Variants in ATP2C1 observed in about 807,000 individuals in gnomAD.
ATP2C1 encodes calcium-transporting ATPase type 2C member 1.
A neutral mutation model predicts 120.5 loss-of-function variants in ATP2C1; 31 were observed. That is an observed-to-expected ratio of 0.26 (90% confidence interval 0.19 to 0.35). ATP2C1 has a LOEUF of 0.35. ATP2C1 is among the 10% of genes least tolerant of loss of function. The pLI, the probability that ATP2C1 is intolerant of heterozygous loss-of-function variation, is 1.00. For synonymous variants in ATP2C1, 351 were observed against 358.7 expected, an observed-to-expected ratio of 0.98 and a Z score of 0.24; for missense variants, 731 against 1,107.5, an observed-to-expected ratio of 0.66 and a Z score of 4.83.
At chr3:131,014,381 G>C (rs1249537624) in intron 26 of ATP2C1, 1 of 1,583,878 alleles carries the variant, frequency 6.3e-7, no homozygotes, top group Non-Finnish European at 8.6e-7. Context: ...GGCTTCCACT[G>C]TACAGTCTGT....
At chr3:130,877,930 C>G (rs1332922275) in intron 1 of ATP2C1, among the ~76,000 whole-genome samples, 1 of 152,134 alleles carries the variant, frequency 6.6e-6, no homozygotes. Context: ...AAATGTGGCA[C>G]ATATACACCA....
At chr3:130,908,086 G>C (rs975540802) in intron 2 of ATP2C1, among the ~76,000 whole-genome samples, 1 of 152,048 alleles carries the variant, frequency 6.6e-6, no homozygotes, top group African/African-American at 2.4e-5. Context: ...GTGATGACTA[G>C]TCTTGGCTAG....
intron 26 of ATP2C1, among the ~76,000 whole-genome samples, chr3:131,009,184 G>A (rs2063222293): frequency 2.6e-5 from 4 of 152,126 alleles, no homozygotes; most frequent in Non-Finnish European, 5.9e-5. Flanking sequence ...GCTTAGAGAA[G>A]ACAACATTTA....
At chr3:130,999,010 A>C (rs759234383) in intron 26 of ATP2C1, among the ~76,000 whole-genome samples, 8 of 152,202 alleles carry the variant, frequency 5.3e-5, no homozygotes, top group Non-Finnish European at 8.8e-5. Context: ...ATGAATCCTT[A>C]ACTATATTAC....
chr3:131,003,310 T>G (rs2062980038), downstream of ATP2C1: 4 of 345,472 alleles, frequency 1.2e-5, no homozygotes, highest in Non-Finnish European at 1.6e-5. Flanking sequence ...ATTGCAATTT[T>G]CCATAATATA....
At chr3:130,891,958 T>C (rs1414055266), upstream of ATP2C1, among the ~76,000 whole-genome samples, 1 of 152,294 alleles carries the variant, frequency 6.6e-6, no homozygotes, top group East Asian at 1.9e-4. Flanking sequence ...TGGTCAATTC[T>C]TCTTGGTAAA....
chr3:130,887,167 C>T (rs1365777502), intron 1 of ATP2C1, among the ~76,000 whole-genome samples: 1 of 152,154 alleles, frequency 6.6e-6, no homozygotes, highest in African/African-American at 2.4e-5. Flanking sequence ...TTTACCCTTA[C>T]TTTTTCCCAA....
intron 2 of ATP2C1, among the ~76,000 whole-genome samples, chr3:130,916,830 T>C (rs1314459899): frequency 6.6e-6 from 1 of 152,226 alleles, no homozygotes; most frequent in Non-Finnish European, 1.5e-5. Flanking sequence ...ACCATACAAA[T>C]GGTGTTTTCT....
chr3:130,917,321 A>G lies in ATP2C1; in HGVS notation c.7-13095A>G, dbSNP rs565897481. Among the ~76,000 whole-genome samples, 11 of 152,358 alleles carry G rather than the reference A, an allele frequency of 7.2e-5. No homozygotes were observed. The East Asian group carries it at 1.3e-3, about 19-fold the overall frequency. On this transcript the variant is annotated intron_variant, in intron 2 of 27. Coordinates refer to ENST00000510168, the MANE Select transcript of ATP2C1 (RefSeq NM_001378687.1). The stretch of plus-strand genomic sequence containing the variant: ...TATTATCCCATTGCAGTTGAGGAGA[A>G]TAGTGGATTCTATGAAGATAAACTT...
intron 11 of ATP2C1, among the ~76,000 whole-genome samples, chr3:130,958,312 A>C (rs2060669237): frequency 1.3e-5 from 2 of 152,138 alleles, no homozygotes; most frequent in Non-Finnish European, 2.9e-5. Flanking sequence ...CTTTGCCATT[A>C]GCATGAAAGC....
chr3:130,921,177 GT>G (rs1430810282), intron 2 of ATP2C1, among the ~76,000 whole-genome samples: 3 of 151,184 alleles, frequency 2.0e-5, no homozygotes, highest in African/African-American at 7.3e-5. Context: ...CGCCTCCCAG[GT>G]TCAAGTGATT....
chr3:130,893,844 A>T, upstream of ATP2C1: 1 of 835,474 alleles, frequency 1.2e-6, no homozygotes, highest in Non-Finnish European at 1.4e-6. Context: ...GCGGGCCACC[A>T]ACCCCGAGCG....
intron 1 of ATP2C1, among the ~76,000 whole-genome samples, chr3:130,861,878 A>G (rs924641536): frequency 6.6e-6 from 1 of 152,174 alleles, no homozygotes; most frequent in Admixed American, 6.5e-5. Flanking sequence ...AAATTAATGA[A>G]TACACCCTAA....
chr3:130,970,918 A>G lies in ATP2C1; in HGVS notation c.1413+1522A>G, dbSNP rs58979742. On this transcript the variant is annotated intron_variant, in intron 17 of 27. Coordinates refer to ENST00000510168, the MANE Select transcript of ATP2C1 (RefSeq NM_001378687.1). ...TTTGAATTGAAGTCTTCCAGGAACT[A>G]TGTTCATGAGGGCCAAAAAAAAGAT... 0.017 allele frequency among the ~76,000 whole-genome samples: 2,554 copies of G among 152,236 alleles called. 141 individuals are homozygous for G. The East Asian group carries it at 0.21, about 13-fold the overall frequency.
At chr3:130,868,154 C>T (rs1433252157) in intron 1 of ATP2C1, 8 of 149,636 alleles carry the variant, frequency 5.3e-5, no homozygotes, top group Non-Finnish European at 1.0e-4. Flanking sequence ...CCAGCCGCCC[C>T]GGCCGGGAGG....
chr3:130,973,010 A>G (rs2061397644), intron 17 of ATP2C1, among the ~76,000 whole-genome samples: 1 of 152,206 alleles, frequency 6.6e-6, no homozygotes, highest in Non-Finnish European at 1.5e-5. Flanking sequence ...TTTATTAAAT[A>G]AAGTCAAGAA....
intron 2 of ATP2C1, among the ~76,000 whole-genome samples, chr3:130,916,626 T>C (rs1046525090): frequency 6.6e-6 from 1 of 152,140 alleles, no homozygotes; most frequent in Non-Finnish European, 1.5e-5. Flanking sequence ...AAACAGCTGG[T>C]ACCATTGCAG....
chr3:130,958,617 C>T (rs2060684064), intron 11 of ATP2C1, among the ~76,000 whole-genome samples: 1 of 152,022 alleles, frequency 6.6e-6, no homozygotes, highest in South Asian at 2.1e-4. Flanking sequence ...TTGCTTTTTC[C>T]TCACAAACCT....
Position 130,997,670 on chromosome 3 carries a change from A to C in ATP2C1, c.2308A>C (p.Ile770Leu). 1 of 1,613,810 alleles carries C rather than the reference A, an allele frequency of 6.2e-7. No homozygotes were observed. The highest frequency in any genetic ancestry group is 8.5e-7 in the Non-Finnish European group (1 of 1,179,752). Residue 770 changes from isoleucine (I) to leucine (L), a missense_variant, in exon 25 of 28, where the codon ATT (isoleucine) becomes CTT (leucine). This residue lies in a region of ATP2C1 where 141 missense variants were observed against 201.6 expected (regional missense o/e 0.70). Coordinates refer to ENST00000510168, the MANE Select transcript of ATP2C1 (RefSeq NM_001378687.1). ...RKPPRNWKDS[I>L]LTKNLILKIL... ...ACCTCCTCGCAACTGGAAAGACAGC[A>C]TTTTGACTAAAAACTTGATACTTAA...
Sources: allele counts gnomAD v4.1 joint callset (sites outside exome capture counted in the v4.1 genomes callset), GRCh38; gene constraint gnomAD v4.1.1; regional missense constraint gnomAD v4.1.1; transcripts MANE v1.5; gene names NCBI Gene and HGNC (gene_info 2026-07-23, HGNC 2026-07-21).